The following TACC1 variants were observed in gnomAD, a reference collection of about 807,000 sequenced individuals.
The protein encoded by TACC1 is transforming acidic coiled-coil-containing protein 1.
A neutral mutation model predicts 84.4 loss-of-function variants in TACC1; 48 were observed. That is an observed-to-expected ratio of 0.57 (90% CI 0.45 to 0.72). The LOEUF (loss-of-function observed/expected upper bound fraction) is 0.72, where lower values mean the gene tolerates loss of function less well. Among genes scored for constraint, TACC1 ranks in the 30% least tolerant of loss-of-function variants. The pLI is 0.00. For synonymous variants in TACC1, 372 were observed against 376.3 expected, an observed-to-expected ratio of 0.99 and a Z score of 0.13; for missense variants, 920 against 973.0, an observed-to-expected ratio of 0.95 and a Z score of 0.72.
Position 38,851,652 on chromosome 8 carries a change from T to C in TACC1, c.*3629T>C. 3.5e-6 allele frequency: 1 copy of C among 286,794 alleles called. No individual in the cohort carries two copies. Among genetic ancestry groups the C allele is most frequent in the South Asian group, 3.2e-5 (1 of 31,494 alleles). 17.8% of individuals were successfully genotyped at this position (286,794 alleles called of 1,614,324 possible). ...ACTGTCTCTGACTGTTGTCTCTTTG[T>C]GGTCATGTGATTGTGAGCTTGCTTT... On this transcript the variant is annotated 3_prime_UTR_variant, in exon 13 of 13. Transcript: ENST00000317827.
At chr8:38,812,646 A>G (rs1218792400) in intron 2 of TACC1, among the ~76,000 whole-genome samples, 2 of 152,234 alleles carry the variant, frequency 1.3e-5, no homozygotes, top group Non-Finnish European at 2.9e-5. Context: ...AAACCTGAGT[A>G]TATTCTCTGC....
chr8:38,732,989 G>A (rs976418044), intron 1 of TACC1, among the ~76,000 whole-genome samples: 1 of 152,176 alleles, frequency 6.6e-6, no homozygotes, highest in Non-Finnish European at 1.5e-5. Context: ...AGACATTTTG[G>A]AGAGCAGAGT....
At chr8:38,763,722 T>C (rs1181949634) in intron 3 of TACC1, among the ~76,000 whole-genome samples, 1 of 152,252 alleles carries the variant, frequency 6.6e-6, no homozygotes, top group Non-Finnish European at 1.5e-5. Flanking sequence ...CTTAACATTA[T>C]AAACATTTCT....
upstream of TACC1, chr8:38,785,593 AAAGAT>A (rs1249564826): frequency 4.5e-6 from 3 of 669,350 alleles, no homozygotes; most frequent in Non-Finnish European, 5.5e-6. Flanking sequence ...AAAGGAATGA[AAAGAT>A]AAGAGAACTA....
At chr8:38,829,112 T>C (rs961608142) in intron 5 of TACC1, among the ~76,000 whole-genome samples, 25 of 152,226 alleles carry the variant, frequency 1.6e-4, no homozygotes, top group African/African-American at 5.8e-4. Context: ...ATGAAAAGTT[T>C]AGAACCATGT....
At chr8:38,845,793 G>A (rs1478880464) in intron 11 of TACC1, among the ~76,000 whole-genome samples, 2 of 152,186 alleles carry the variant, frequency 1.3e-5, no homozygotes, top group African/African-American at 2.4e-5. Context: ...ACAAGGCAGC[G>A]CCAGTTTTCA....
At chr8:38,781,494 G>C (rs1815972468) in intron 3 of TACC1, among the ~76,000 whole-genome samples, 1 of 151,378 alleles carries the variant, frequency 6.6e-6, no homozygotes, top group African/African-American at 2.4e-5. Context: ...CGATTCTCTT[G>C]TGTCAGCCGT....
chr8:38,757,444 G>A (rs1270089834), intron 3 of TACC1: 3 of 1,141,118 alleles, frequency 2.6e-6, no homozygotes, highest in South Asian at 3.2e-5. Flanking sequence ...GGCCGCCTTT[G>A]GGGGTTTGCG....
At chr8:38,732,098 C>T (rs1188755030) in intron 1 of TACC1, among the ~76,000 whole-genome samples, 5 of 147,636 alleles carry the variant, frequency 3.4e-5, no homozygotes, top group Admixed American at 6.9e-5. Flanking sequence ...GGTGACAGAG[C>T]GAGACTCTGT....
chr8:38,757,187 G>A lies in TACC1; in HGVS notation c.26+11694G>A, dbSNP rs562692354. 228 of 891,956 alleles carry A rather than the reference G, an allele frequency of 2.6e-4. 2 individuals are homozygous for A. The African/African-American group carries it at 3.9e-3, about 15-fold the overall frequency. 55.3% of individuals were successfully genotyped at this position (891,956 alleles called of 1,614,324 possible). A position where few individuals can be genotyped will look rare whatever the true frequency, so the allele number is the denominator to read the frequency against. ...CCACCTCCTTCCCCGCTTTCCCAGC[G>A]GCGGGGACCCTACGGCCGGGCGCCC... is the stretch of plus-strand genomic sequence containing the variant. On this transcript the variant is annotated intron_variant, in intron 3 of 14. Coordinates refer to the TACC1 transcript ENST00000518415.
upstream of TACC1, among the ~76,000 whole-genome samples, chr8:38,783,498 C>T (rs1360166265): frequency 1.1e-4 from 16 of 151,760 alleles, no homozygotes; most frequent in African/African-American, 2.9e-4. Context: ...CTCGGCTCAC[C>T]GCAATCTCTG....
At position 38,748,968 on chromosome 8, in the gene TACC1, C is replaced by T. The variant is rs138586029; in HGVS notation, c.26+3475C>T. Among the ~76,000 whole-genome samples, 774 of 148,826 alleles carry T rather than the reference C, an allele frequency of 5.2e-3. 2 individuals are homozygous for T. The highest frequency in any genetic ancestry group is 0.011 in the Admixed American group (168 of 14,938). On this transcript the variant is annotated intron_variant, in intron 3 of 14. Coordinates refer to the TACC1 transcript ENST00000518415. ...TGACAGACATCAATGAATTAGAGAA[C>T]GAAAAAAAGAGATAAAAAAATCATT...
chr8:38,777,007 G>A (rs1355354567), intron 3 of TACC1, among the ~76,000 whole-genome samples: 2 of 152,162 alleles, frequency 1.3e-5, no homozygotes, highest in Non-Finnish European at 2.9e-5. Context: ...TGTAATTCCA[G>A]CACTTTGGGA....
intron 2 of TACC1, 87 bp from the exon 3 acceptor site, chr8:38,819,435 C>T (rs1826160941): frequency 7.1e-7 from 1 of 1,405,484 alleles, no homozygotes; most frequent in African/African-American, 1.4e-5. Flanking sequence ...GAAGAACTTG[C>T]TATTTGTTTA....
chr8:38,826,800 T>C (rs1044732467), intron 4 of TACC1, among the ~76,000 whole-genome samples: 4 of 152,182 alleles, frequency 2.6e-5, no homozygotes, highest in Admixed American at 1.3e-4. Context: ...TTTAAACTTA[T>C]GCCAAAAAGT....
exon 3 of TACC1, chr8:38,745,059 C>T (rs1050599749): frequency 6.3e-6 from 1 of 158,856 alleles, no homozygotes; most frequent in Non-Finnish European, 1.4e-5. Flanking sequence ...CACGGGGCTG[C>T]ATGTAGGCTA....
chr8:38,829,222 T>C (rs1439857387), intron 5 of TACC1, among the ~76,000 whole-genome samples: 1 of 152,228 alleles, frequency 6.6e-6, no homozygotes, highest in East Asian at 1.9e-4. Flanking sequence ...GATCTGCCAT[T>C]AAGCCAGGGA....
At chr8:38,760,478 T>C (rs981271674) in intron 3 of TACC1, among the ~76,000 whole-genome samples, 2 of 152,210 alleles carry the variant, frequency 1.3e-5, no homozygotes, top group African/African-American at 2.4e-5. Flanking sequence ...TACAGTTATT[T>C]AACTCTTCAG....
chr8:38,825,201 G>A (rs934946621), intron 3 of TACC1, 107 bp from the exon 4 acceptor site: 2 of 1,146,708 alleles, frequency 1.7e-6, no homozygotes, highest in South Asian at 2.5e-5. Flanking sequence ...GTGTGGTGCT[G>A]TATGCTTTGG....
Sources: gnomAD v4.1 joint callset for allele counts (sites outside exome capture counted in the v4.1 genomes callset) on GRCh38, gnomAD v4.1.1 for gene constraint, MANE v1.5 for transcripts, NCBI Gene and HGNC (gene_info 2026-07-23, HGNC 2026-07-21) for gene names.